Variants in MBTD1 observed in about 807,000 individuals in gnomAD.
MBTD1 encodes MBT domain-containing protein 1.
Under a neutral mutation model 87.8 loss-of-function variants are expected in MBTD1, and 24 were observed. The observed-to-expected ratio is 0.27, with a 90% CI of 0.20 to 0.38. MBTD1 has a LOEUF of 0.38. Ranked by LOEUF, MBTD1 falls within the 10% of genes least tolerant of loss-of-function variation. The pLI, the probability that MBTD1 is intolerant of heterozygous loss-of-function variation, is 1.00. For synonymous variants in MBTD1, 237 were observed against 248.6 expected (o/e 0.95, Z 0.44); for missense variants, 436 against 760.2 (o/e 0.57, Z 5.02).
At position 51,236,915 on chromosome 17, in the gene MBTD1, A is replaced by G. The variant is rs2053871301; in HGVS notation, c.-48-11706T>C. Among the ~76,000 whole-genome samples the G allele has an allele frequency of 2.0e-5, 3 of 152,198 alleles. No individual in the cohort carries two copies. In the South Asian group the frequency reaches 6.2e-4, roughly 32 times the overall value. On this transcript the variant is annotated intron_variant, in intron 2 of 16. Coordinates refer to ENST00000586178, the MANE Select transcript of MBTD1 (RefSeq NM_017643.3). ...AGGCCTAAATGTAAGTTAACGTAAG[A>G]GTTCTATAAAACTTCTGGGAAAAAT...
intron 2 of MBTD1, among the ~76,000 whole-genome samples, chr17:51,236,728 C>T (rs578109446): frequency 1.6e-4 from 24 of 151,300 alleles, no homozygotes; most frequent in African/African-American, 4.9e-4. Context: ...TAGATATATA[C>T]GGTCAATTGA....
At chr17:51,201,844 TCAGA>T in intron 11 of MBTD1, 148 bp from the exon 12 acceptor site, 2 of 738,578 alleles carry the variant, frequency 2.7e-6, no homozygotes, top group Non-Finnish European at 4.6e-6. Context: ...TAGAGAGAAT[TCAGA>T]CAAATAGAAT....
At chr17:51,235,078 C>T (rs974897327) in intron 2 of MBTD1, among the ~76,000 whole-genome samples, 1 of 152,106 alleles carries the variant, frequency 6.6e-6, no homozygotes, top group African/African-American at 2.4e-5. Context: ...CTTTGATCCC[C>T]AAACCAGATA....
intron 16 of MBTD1, chr17:51,184,415 A>G (rs1052353529): frequency 4.6e-5 from 7 of 152,242 alleles, no homozygotes; most frequent in Admixed American, 1.3e-4. Context: ...AAGCCCATAA[A>G]TAATAAACTC....
intron 2 of MBTD1, among the ~76,000 whole-genome samples, chr17:51,247,973 T>C (rs189657418): frequency 6.6e-6 from 1 of 152,356 alleles, no homozygotes; most frequent in Admixed American, 6.5e-5. Context: ...CCTAAGAAAT[T>C]ATCCATTTCA....
rs1307586811 is a variant in MBTD1, at chr17:51,177,573, AG to A, written c.*3002del. 2.0e-5 allele frequency: 3 copies of A among 152,238 alleles called. No homozygotes were observed. Among genetic ancestry groups the A allele is most frequent in the Non-Finnish European group, 4.4e-5 (3 of 68,042 alleles). The allele number at this position is 152,238 out of a possible 1,614,324, so 9.4% of individuals were successfully genotyped here. On this transcript the variant is annotated 3_prime_UTR_variant, in exon 17 of 17. Transcript: ENST00000586178. Reference sequence around the variant, plus strand: ...ATGAAAGGAACATAAATTTTTCCAAAGGAATTTTTCACGCCATTATATATAC... The same window carrying A: ...ATGAAAGGAACATAAATTTTTCCAAAGAATTTTTCACGCCATTATATATAC...
chr17:51,254,789 T>A (rs1478807928), intron 2 of MBTD1, among the ~76,000 whole-genome samples: 1 of 152,136 alleles, frequency 6.6e-6, no homozygotes, highest in Non-Finnish European at 1.5e-5. Context: ...AAGCTATGAA[T>A]CCTTAAGTAC....
In MBTD1 at chr17:51,179,498, A is replaced by G. The variant is rs797013081; in HGVS notation, c.*1078T>C. The G allele has an allele frequency of 3.4e-5, 2 of 58,436 alleles. No homozygotes were observed. Among genetic ancestry groups the G allele is most frequent in the African/African-American group, 5.6e-5 (1 of 17,756 alleles). 3.6% of individuals were successfully genotyped at this position (58,436 alleles called of 1,614,324 possible). A position where few individuals can be genotyped will look rare whatever the true frequency, so the allele number is the denominator to read the frequency against. ...TAAAGACAATTTTATATATATATAT[A>G]TATATATATATATATATATATATAT... On this transcript the variant is annotated 3_prime_UTR_variant, in exon 17 of 17. Transcript: ENST00000586178.
At chr17:51,250,673 T>C (rs1376797189) in intron 2 of MBTD1, 1 of 152,216 alleles carries the variant, frequency 6.6e-6, no homozygotes. Flanking sequence ...TCATACAGCT[T>C]TACTAGGAAA....
rs1255882270 is a variant in MBTD1 at position 51,237,313 on chromosome 17, AAAG to A, written c.-48-12107_-48-12105del. On this transcript the variant is annotated intron_variant, in intron 2 of 16. Coordinates refer to ENST00000586178, the MANE Select transcript of MBTD1 (RefSeq NM_017643.3). ...TCCATCTCAAAAAAAAAAAAAAAAAAAAGAAAAAGAAAAAATTTCATAAACTAC... is the reference window on the plus strand; with the variant it reads ...TCCATCTCAAAAAAAAAAAAAAAAAAAAAAAGAAAAAATTTCATAAACTAC... Among the ~76,000 whole-genome samples, 15 of 151,482 alleles carry A rather than the reference AAAG, an allele frequency of 9.9e-5. No individual in the cohort carries two copies. The East Asian group carries it at 2.7e-3, about 27-fold the overall frequency.
At chr17:51,201,894 T>A in intron 11 of MBTD1, 128 bp downstream of exon 11, 1 of 727,746 alleles carries the variant, frequency 1.4e-6, no homozygotes, top group Non-Finnish European at 2.4e-6. Flanking sequence ...GTGACACCTA[T>A]GAATTTACAA....
chr17:51,217,515 T>G, intron 5 of MBTD1, 99 bp from the exon 6 acceptor site: 1 of 574,808 alleles, frequency 1.7e-6, no homozygotes. Context: ...AAAATTAATT[T>G]ATCCCATTTA....
intron 2 of MBTD1, chr17:51,250,368 G>A (rs1056607740): frequency 6.6e-6 from 1 of 152,106 alleles, no homozygotes; most frequent in Non-Finnish European, 1.5e-5. Context: ...CTTTTTGTAG[G>A]AAATGTCCCA....
At chr17:51,201,814 C>A (rs2051509190) in intron 11 of MBTD1, 118 bp from the exon 12 acceptor site, 1 of 777,186 alleles carries the variant, frequency 1.3e-6, no homozygotes, top group African/African-American at 1.8e-5. Context: ...AATATTATAA[C>A]TCAAACTTCC....
At chr17:51,188,340 C>T (rs1032071516) in intron 16 of MBTD1, among the ~76,000 whole-genome samples, 2 of 152,176 alleles carry the variant, frequency 1.3e-5, no homozygotes, top group Non-Finnish European at 2.9e-5. Context: ...ATCCCTCCTT[C>T]GTGGCATGAA....
intron 2 of MBTD1, among the ~76,000 whole-genome samples, chr17:51,238,287 T>C (rs1317718690): frequency 2.0e-5 from 3 of 152,346 alleles, no homozygotes; most frequent in African/African-American, 7.2e-5. Flanking sequence ...CCAAGTCTAA[T>C]GGTAGAAAAT....
At chr17:51,213,167 T>G (rs1427203112) in intron 6 of MBTD1, among the ~76,000 whole-genome samples, 1 of 152,120 alleles carries the variant, frequency 6.6e-6, no homozygotes, top group Non-Finnish European at 1.5e-5. Flanking sequence ...GCCTCCTGAG[T>G]AGCTGGGACT....
intron 4 of MBTD1, 103 bp from the exon 5 acceptor site, chr17:51,219,147 G>C (rs2052742603): frequency 1.6e-6 from 1 of 615,628 alleles, no homozygotes; most frequent in African/African-American, 1.8e-5. Flanking sequence ...AAACATTGAG[G>C]GTTTAGAAAA....
At chr17:51,260,801 C>A, upstream of MBTD1, 7 of 1,582,788 alleles carry the variant, frequency 4.4e-6, no homozygotes, top group Non-Finnish European at 6.0e-6. Flanking sequence ...GAGACGGCTC[C>A]GGCAGCGGAA....
Sources: allele counts gnomAD v4.1 joint callset (sites outside exome capture counted in the v4.1 genomes callset), GRCh38; gene constraint gnomAD v4.1.1; transcripts MANE v1.5; gene names NCBI Gene and HGNC (gene_info 2026-07-23, HGNC 2026-07-21).